Variants in CEP290 observed in about 807,000 individuals in gnomAD.
CEP290 encodes the protein centrosomal protein of 290 kDa.
In CEP290, 317 loss-of-function variants were observed where a neutral mutation model predicts 344.9. The observed-to-expected ratio is 0.92, with a 90% confidence interval of 0.84 to 1.01. The LOEUF (loss-of-function observed/expected upper bound fraction) is 1.01. Among genes scored for constraint, CEP290 ranks in the 50% least tolerant of loss-of-function variants. The pLI is 0.00. For missense variants in CEP290, 2,754 were observed against 2,761.4 expected, an observed-to-expected ratio of 1.00 and a Z score of 0.06; for synonymous variants, 932 against 895.8, an observed-to-expected ratio of 1.04 and a Z score of -0.72.
intron 13 of CEP290, among the ~76,000 whole-genome samples, chr12:88,123,640 ATTT>A (rs2039552270): frequency 6.6e-6 from 1 of 151,762 alleles, no homozygotes; most frequent in African/African-American, 2.4e-5. Flanking sequence ...AGCTCTTTAG[ATTT>A]TTCTTCTTAA....
intron 45 of CEP290, 128 bp from the exon 46 acceptor site, chr12:88,062,906 T>C (rs1384067267): frequency 5.1e-6 from 3 of 592,960 alleles, no homozygotes; most frequent in Admixed American, 3.1e-5. Flanking sequence ...AGGGTCTCTA[T>C]ATTAACAAGG....
chr12:88,114,687 C>G (rs1448267072), intron 19 of CEP290, 125 bp from the exon 20 acceptor site: 4 of 845,180 alleles, frequency 4.7e-6, no homozygotes, highest in Non-Finnish European at 6.9e-6. Context: ...TGTAAATAAA[C>G]ATACAAAAAA....
At chr12:88,097,574 C>A (rs1182434383) in intron 26 of CEP290, among the ~76,000 whole-genome samples, 2 of 147,568 alleles carry the variant, frequency 1.4e-5, no homozygotes, top group Admixed American at 7.1e-5. Flanking sequence ...CGGACTAATA[C>A]ACATACATAC....
Position 88,129,009 on chromosome 12 carries a change from T to C in CEP290, c.879A>G (p.Lys293=). 6.5e-7 allele frequency: 1 copy of C among 1,527,340 alleles called. No individual in the cohort carries two copies. The highest frequency in any genetic ancestry group is 8.7e-7 in the Non-Finnish European group (1 of 1,148,326). The allele number at this position is 1,527,340 out of a possible 1,614,324, so 94.6% of individuals were successfully genotyped here. ...TTGGATCATCTTCTTCATTTTTTGATTTCAGAAGATCTGTAAGCTCCTGCA... is the reference window on the plus strand; with the variant it reads ...TTGGATCATCTTCTTCATTTTTTGACTTCAGAAGATCTGTAAGCTCCTGCA... ...LQVQELTDLL[K]SKNEEDDPIM... The change falls in exon 11 of 54, where the codon AAA becomes AAG. Residue 293 remains lysine, a synonymous_variant. Coordinates refer to ENST00000552810, the MANE Select transcript of CEP290 (RefSeq NM_025114.4).
chr12:88,088,760 C>A (rs938231718), intron 31 of CEP290, among the ~76,000 whole-genome samples: 1 of 151,984 alleles, frequency 6.6e-6, no homozygotes, highest in African/African-American at 2.4e-5. Flanking sequence ...TTTGAGAGAC[C>A]AAAGCAGGAG....
chr12:88,134,029 C>T (rs1432828161), intron 6 of CEP290, among the ~76,000 whole-genome samples: 6 of 152,132 alleles, frequency 3.9e-5, no homozygotes, highest in Non-Finnish European at 2.9e-5. Context: ...ACTTCTCTGG[C>T]TTCAATAATG....
At position 88,055,592 on chromosome 12, in the gene CEP290, T is replaced by C. The variant is rs1475884912; in HGVS notation, c.6944A>G (p.Glu2315Gly). The change falls in exon 50 of 54, where the codon GAA becomes GGA. Residue 2315 changes from glutamate to glycine, a missense_variant. By Grantham distance (98) the Glu-to-Gly change is moderately conservative. Coordinates refer to ENST00000552810, the MANE Select transcript of CEP290 (RefSeq NM_025114.4). Reference protein sequence around the residue: ...EREQKVNKYNEDLEQQIKILK... With the variant: ...EREQKVNKYNGDLEQQIKILK... ...GTTACTTACCTGTTGTTCAAGGTCTTCATTGTATTTGTTAACTTTTTGTTC... is the reference window on the plus strand; with the variant it reads ...GTTACTTACCTGTTGTTCAAGGTCTCCATTGTATTTGTTAACTTTTTGTTC... 1 of 1,580,498 alleles carries C rather than the reference T, an allele frequency of 6.3e-7. No individual in the cohort carries two copies. The highest frequency in any genetic ancestry group is 8.6e-7 in the Non-Finnish European group (1 of 1,163,138).
chr12:88,121,202 A>G, intron 13 of CEP290, 36 bp from the exon 14 acceptor site: 1 of 1,526,216 alleles, frequency 6.6e-7, no homozygotes, highest in Non-Finnish European at 9.0e-7. Flanking sequence ...AATTGAATTG[A>G]CTACTTATTC....
In CEP290 at chr12:88,058,963, C is replaced by A. The variant is rs1375836634; in HGVS notation, c.6703G>T (p.Glu2235Ter). 3 of 1,613,406 alleles carry A rather than the reference C, an allele frequency of 1.9e-6. No individual in the cohort carries two copies. Among genetic ancestry groups the A allele is most frequent in the South Asian group, 2.2e-5 (2 of 90,934 alleles). Reference sequence around the variant, plus strand: ...TCTTCTAGTTGAACTGTCATCTTCTCATTTAATATCTCTAAATTATTCTTT... The same window carrying A: ...TCTTCTAGTTGAACTGTCATCTTCTAATTTAATATCTCTAAATTATTCTTT... Reference protein sequence around the residue: ...IAKNNLEILNEKMTVQLEETG... With the variant: ...IAKNNLEILN The change falls in exon 49 of 54, where the codon GAG becomes TAG. Residue 2235 changes from glutamate (E) to a stop codon, truncating the protein, a stop_gained. Transcript: ENST00000552810. LOFTEE classifies it high-confidence loss of function.
At chr12:88,083,518 G>A (rs1361988082) in intron 36 of CEP290, among the ~76,000 whole-genome samples, 2 of 152,124 alleles carry the variant, frequency 1.3e-5, no homozygotes, top group East Asian at 3.9e-4. Context: ...TGAAAGACAT[G>A]TCATTTCATA....
rs1003375291 is a variant in CEP290 at position 88,054,495 on chromosome 12, C to G, written c.6961-82G>C. ...ATAAAGATACACATTTTTAACAAAG[C>G]GTAATATTAAAATATGGTTTTCAAA... On this transcript the variant is annotated intron_variant, in intron 50 of 53. Coordinates refer to ENST00000552810, the MANE Select transcript of CEP290 (RefSeq NM_025114.4). 10 of 1,074,164 alleles carry G rather than the reference C, an allele frequency of 9.3e-6. No homozygotes were observed. In the South Asian group the frequency reaches 1.4e-4, roughly 15 times the overall value. The allele number at this position is 1,074,164 out of a possible 1,614,324, so 66.5% of individuals were successfully genotyped here.
rs2040508409 is a variant in CEP290, at chr12:88,139,306, A to T, written c.251-115T>A. ...TTTTAAAAGAGTCCATCATGATTAT[A>T]AGGTAACAAAAAGTATTATATGGCA... On this transcript the variant is annotated intron_variant, in intron 4 of 53. Coordinates refer to ENST00000552810, the MANE Select transcript of CEP290 (RefSeq NM_025114.4). 1.5e-5 allele frequency: 8 copies of T among 545,802 alleles called. No individual in the cohort carries two copies. In the South Asian group the frequency reaches 3.3e-4, roughly 22 times the overall value. 33.8% of individuals were successfully genotyped at this position (545,802 alleles called of 1,614,324 possible). A position where few individuals can be genotyped will look rare whatever the true frequency, so the allele number is the denominator to read the frequency against.
chr12:88,074,661 C>G (rs1282630540), intron 41 of CEP290, among the ~76,000 whole-genome samples: 1 of 152,166 alleles, frequency 6.6e-6, no homozygotes, highest in African/African-American at 2.4e-5. Flanking sequence ...TTTCACCTGC[C>G]CTAAGGCAGG....
At chr12:88,140,737 A>T (rs1280006488) in intron 3 of CEP290, among the ~76,000 whole-genome samples, 1 of 152,202 alleles carries the variant, frequency 6.6e-6, no homozygotes, top group South Asian at 2.1e-4. Context: ...TTTTCAACAT[A>T]CTCATTCTAT....
intron 15 of CEP290, among the ~76,000 whole-genome samples, chr12:88,119,021 C>T (rs1460508342): frequency 6.6e-6 from 1 of 152,126 alleles, no homozygotes; most frequent in Non-Finnish European, 1.5e-5. Context: ...TGACAGCTAC[C>T]TAGACGGGCC....
intron 44 of CEP290, among the ~76,000 whole-genome samples, chr12:88,067,855 A>C (rs2035059440): frequency 6.6e-6 from 1 of 152,174 alleles, no homozygotes; most frequent in African/African-American, 2.4e-5. Flanking sequence ...AATACCATAG[A>C]ATATTTCTAG....
chr12:88,096,798 T>C, intron 27 of CEP290, 90 bp downstream of exon 27: 1 of 677,546 alleles, frequency 1.5e-6, no homozygotes, highest in Non-Finnish European at 2.4e-6. Flanking sequence ...AAATACTTCC[T>C]TTTAATCTAG....
chr12:88,049,707 T>C (rs2033294353), intron 53 of CEP290: 1 of 204,578 alleles, frequency 4.9e-6, no homozygotes, highest in African/African-American at 2.3e-5. Context: ...TAAGAGCTTG[T>C]CAATAGAGCA....
Position 88,086,033 on chromosome 12 carries a change from A to G in CEP290, c.4437+6T>C, listed in dbSNP as rs904477757. The G allele has an allele frequency of 2.5e-6, 4 of 1,604,006 alleles. No homozygotes were observed. The highest frequency in any genetic ancestry group is 3.4e-6 in the Non-Finnish European group (4 of 1,174,978). ...CACTAATCAAAATGCAAATTCTTCT[A>G]ATTACCTCTTCTAGTGATTTGCAAG... is the stretch of plus-strand genomic sequence containing the variant. On this transcript the variant is annotated splice_donor_region_variant and intron_variant, in intron 34 of 53. Coordinates refer to ENST00000552810, the MANE Select transcript of CEP290 (RefSeq NM_025114.4).
Sources: gnomAD v4.1 joint callset for allele counts (sites outside exome capture counted in the v4.1 genomes callset) on GRCh38, gnomAD v4.1.1 for gene constraint, MANE v1.5 for transcripts, NCBI Gene and HGNC (gene_info 2026-07-23, HGNC 2026-07-21) for gene names.